The following IKBKB variants were observed in gnomAD, a reference collection of about 807,000 sequenced individuals.
IKBKB encodes inhibitor of nuclear factor kappa-B kinase subunit beta.
A neutral mutation model predicts 113.6 loss-of-function variants in IKBKB; 42 were observed. The observed-to-expected ratio is 0.37, with a 90% CI of 0.29 to 0.48. IKBKB has a LOEUF of 0.48. Among genes scored for constraint, IKBKB ranks in the 20% least tolerant of loss-of-function variants. IKBKB has a pLI of 0.99. For synonymous variants in IKBKB, 296 were observed against 361.3 expected (o/e 0.82, Z 2.05); for missense variants, 673 against 939.7 (o/e 0.72, Z 3.71).
At chr8:42,277,533 C>T (rs549705177) in intron 2 of IKBKB, among the ~76,000 whole-genome samples, 3 of 152,234 alleles carry the variant, frequency 2.0e-5, no homozygotes, top group South Asian at 2.1e-4. Flanking sequence ...CTCCTCCTGC[C>T]GGCTGAACCC....
chr8:42,298,350 C>T lies in IKBKB; in HGVS notation c.388+4838C>T, dbSNP rs994189270. On this transcript the variant is annotated intron_variant, in intron 5 of 21. Transcript: ENST00000520810. ...CTGTGCTCCAGGCCTTTCGGGAACC[C>T]ACCCCTCTGTTGCTGTCCCTGCTTC... 6.5e-5 allele frequency: 64 copies of T among 985,294 alleles called. No individual in the cohort carries two copies. In the Admixed American group the frequency reaches 6.8e-4, roughly 10 times the overall value. The allele number at this position is 985,294 out of a possible 1,614,324, so 61.0% of individuals were successfully genotyped here.
intron 16 of IKBKB, chr8:42,321,606 C>T (rs1161679792): frequency 8.8e-6 from 3 of 342,448 alleles, no homozygotes; most frequent in Non-Finnish European, 1.6e-5. Context: ...ACTGCAGCCT[C>T]GACCTCCCAG....
At chr8:42,330,030 G>A in intron 21 of IKBKB, 8 of 985,372 alleles carry the variant, frequency 8.1e-6, no homozygotes, top group Non-Finnish European at 9.6e-6. Context: ...TCCTCCTCCT[G>A]GCATGATAAT....
At chr8:42,312,517 TA>T in intron 8 of IKBKB, among the ~76,000 whole-genome samples, 1 of 152,260 alleles carries the variant, frequency 6.6e-6, no homozygotes, top group Non-Finnish European at 1.5e-5. Flanking sequence ...AGATGGCAGG[TA>T]AATAGTAATT....
intron 8 of IKBKB, among the ~76,000 whole-genome samples, chr8:42,311,793 A>G (rs1817758892): frequency 6.6e-6 from 1 of 152,196 alleles, no homozygotes; most frequent in African/African-American, 2.4e-5. Context: ...TGGAATATTG[A>G]GGAATTTGTT....
intron 5 of IKBKB, among the ~76,000 whole-genome samples, chr8:42,304,551 G>A (rs993470597): frequency 4.6e-5 from 7 of 152,138 alleles, no homozygotes; most frequent in African/African-American, 1.7e-4. Flanking sequence ...GTCCCTCACA[G>A]AACCTCCCAG....
chr8:42,283,749 G>A (rs924736944), intron 2 of IKBKB, among the ~76,000 whole-genome samples: 1 of 152,298 alleles, frequency 6.6e-6, no homozygotes, highest in Admixed American at 6.5e-5. Context: ...CCAAGTTTGT[G>A]GTAATTTATT....
At chr8:42,305,422 CA>C in intron 6 of IKBKB, 147 bp downstream of exon 6, 1 of 618,304 alleles carries the variant, frequency 1.6e-6, no homozygotes, top group East Asian at 2.8e-5. Flanking sequence ...TGATTTGAAA[CA>C]AAATTGAGCA....
intron 19 of IKBKB, 89 bp from the exon 20 acceptor site, chr8:42,325,881 G>C: frequency 6.4e-7 from 1 of 1,568,588 alleles, no homozygotes; most frequent in Non-Finnish European, 8.6e-7. Context: ...CTGGCAGCCA[G>C]CCAGTTGTCT....
At chr8:42,310,398 G>A (rs1418282940) in intron 8 of IKBKB, among the ~76,000 whole-genome samples, 1 of 152,066 alleles carries the variant, frequency 6.6e-6, no homozygotes, top group African/African-American at 2.4e-5. Flanking sequence ...CAAGGTGTTC[G>A]TATCTTCCAG....
intron 8 of IKBKB, among the ~76,000 whole-genome samples, chr8:42,312,088 G>C (rs936632549): frequency 6.6e-6 from 1 of 152,098 alleles, no homozygotes; most frequent in African/African-American, 2.4e-5. Context: ...GGGTTTCACC[G>C]TGTTAGCCAG....
At chr8:42,313,825 C>T (rs2130612334) in intron 8 of IKBKB, among the ~76,000 whole-genome samples, 1 of 152,344 alleles carries the variant, frequency 6.6e-6, no homozygotes, top group Non-Finnish European at 1.5e-5. Context: ...GTCTTAAACT[C>T]TCAAAGAATC....
At position 42,321,929 on chromosome 8, in the gene IKBKB, A is replaced by G; in HGVS notation, c.1722A>G (p.Leu574=). The change falls in exon 17 of 22, where the codon CTA becomes CTG. Residue 574 remains leucine (L), a synonymous_variant. Transcript: ENST00000520810. The stretch of plus-strand genomic sequence containing the variant: ...AAGCAAGGGAGCTGTACAGGAGACT[A>G]AGGGAAAAACCTCGAGGTAAGTGGG... The part of the protein sequence containing the change: ...EEQARELYRR[L]REKPRDQRTE... 6.2e-7 allele frequency: 1 copy of G among 1,613,316 alleles called. No homozygotes were observed. Among genetic ancestry groups the G allele is most frequent in the Non-Finnish European group, 8.5e-7 (1 of 1,179,492 alleles).
rs184800403 is a variant in IKBKB, at chr8:42,301,789, G to A, written c.389-3398G>A. Reference sequence around the variant, plus strand: ...TGACAACTCTAATCCACGTGGCGTAGAGAGCGGTGCCTTTGGTCTAATCCG... The same window carrying A: ...TGACAACTCTAATCCACGTGGCGTAAAGAGCGGTGCCTTTGGTCTAATCCG... On this transcript the variant is annotated intron_variant, in intron 5 of 21. Transcript: ENST00000520810. 3.3e-5 allele frequency among the ~76,000 whole-genome samples: 5 copies of A among 152,322 alleles called. 1 individual carries two copies. The highest frequency in any genetic ancestry group is 1.2e-4 in the African/African-American group (5 of 41,572).
chr8:42,293,727 G>A (rs1004943534), intron 5 of IKBKB, among the ~76,000 whole-genome samples: 2 of 152,166 alleles, frequency 1.3e-5, no homozygotes, highest in Non-Finnish European at 2.9e-5. Flanking sequence ...CTTCCTTCCT[G>A]ATTAACTCAT....
At chr8:42,276,038 A>G (rs1418302111) in intron 2 of IKBKB, among the ~76,000 whole-genome samples, 1 of 152,024 alleles carries the variant, frequency 6.6e-6, no homozygotes, top group Non-Finnish European at 1.5e-5. Context: ...ACGGGGTTTT[A>G]CCATGTTGGT....
At chr8:42,330,425 A>G (rs1821551211) in intron 21 of IKBKB, 1 of 496,424 alleles carries the variant, frequency 2.0e-6, no homozygotes, top group African/African-American at 2.1e-5. Flanking sequence ...GCCTCAAGCG[A>G]TCCGCTCGCC....
intron 19 of IKBKB, among the ~76,000 whole-genome samples, chr8:42,324,325 C>G (rs1272722370): frequency 1.3e-5 from 2 of 152,136 alleles, no homozygotes; most frequent in Non-Finnish European, 1.5e-5. Flanking sequence ...AGTGCAGCTG[C>G]TCAATCTCAG....
At position 42,293,532 on chromosome 8, in the gene IKBKB, T is replaced by G. The variant is rs141453528; in HGVS notation, c.388+20T>G. 2.0e-3 allele frequency: 3,186 copies of G among 1,614,140 alleles called. 44 individuals carry two copies. Among genetic ancestry groups the G allele is most frequent in the South Asian group, 0.019 (1,743 of 91,084 alleles). ...ACATTGGTAAATCCCAGTCCCGGAA[T>G]TCAGGCCGTGTCCTTCAGGGAGAGT... On this transcript the variant is annotated intron_variant, in intron 5 of 21. Transcript: ENST00000520810.
Sources: allele counts gnomAD v4.1 joint callset (sites outside exome capture counted in the v4.1 genomes callset), GRCh38; gene constraint gnomAD v4.1.1; transcripts MANE v1.5; gene names NCBI Gene and HGNC (gene_info 2026-07-23, HGNC 2026-07-21).